Variants in ANTXR2 observed in about 807,000 individuals in gnomAD.
ANTXR2 encodes the protein anthrax toxin receptor 2.
In ANTXR2, 44 loss-of-function variants were observed where a neutral mutation model predicts 73.7. The observed-to-expected ratio is 0.60, with a 90% confidence interval of 0.47 to 0.77. The LOEUF (loss-of-function observed/expected upper bound fraction) is 0.77. Ranked by LOEUF, ANTXR2 falls within the 30% of genes least tolerant of loss-of-function variation. ANTXR2 has a pLI of 0.00. For missense variants in ANTXR2, 604 were observed against 592.5 expected (o/e 1.02, Z -0.20); for synonymous variants, 217 against 205.9 (o/e 1.05, Z -0.46).
chr4:80,006,155 T>C (rs1731292423), intron 12 of ANTXR2, among the ~76,000 whole-genome samples: 1 of 152,130 alleles, frequency 6.6e-6, no homozygotes, highest in African/African-American at 2.4e-5. Context: ...TCCTCCTTTA[T>C]GTTTCTACTG....
chr4:79,959,817 A>G (rs1444728971), intron 16 of ANTXR2, among the ~76,000 whole-genome samples: 1 of 152,262 alleles, frequency 6.6e-6, no homozygotes, highest in African/African-American at 2.4e-5. Flanking sequence ...TCTCAGAGAC[A>G]TGCAAGTGGA....
At chr4:79,960,285 T>A (rs1362494769) in intron 16 of ANTXR2, among the ~76,000 whole-genome samples, 1 of 152,186 alleles carries the variant, frequency 6.6e-6, no homozygotes, top group Non-Finnish European at 1.5e-5. Flanking sequence ...AACAAAAGTA[T>A]GCTTAGTACT....
At chr4:80,008,463 C>A in intron 12 of ANTXR2, 58 bp downstream of exon 12, 1 of 1,366,704 alleles carries the variant, frequency 7.3e-7, no homozygotes, top group Non-Finnish European at 1.0e-6. Flanking sequence ...ATATTTCAGA[C>A]CTTACTTTAC....
intron 16 of ANTXR2, chr4:79,977,403 AT>A: frequency 1.1e-6 from 1 of 950,956 alleles, no homozygotes; most frequent in Non-Finnish European, 1.5e-6. Context: ...ATTGTAAAGA[AT>A]TTCTTGAAAA....
At chr4:80,019,438 G>A (rs10012656) in intron 10 of ANTXR2, among the ~76,000 whole-genome samples, 73,122 of 152,074 alleles carry the variant, frequency 0.48, 20,277 homozygotes, top group East Asian at 0.95. Context: ...CTTAGTTCTA[G>A]TCTTTACTTA....
At chr4:79,987,144 T>A (rs62298612) in intron 12 of ANTXR2, among the ~76,000 whole-genome samples, 1 of 151,948 alleles carries the variant, frequency 6.6e-6, no homozygotes, top group Admixed American at 6.6e-5. Context: ...ATGAAATGTC[T>A]GAAATGACAG....
chr4:80,058,725 A>C (rs1734114178), intron 3 of ANTXR2, among the ~76,000 whole-genome samples: 1 of 152,088 alleles, frequency 6.6e-6, no homozygotes, highest in Non-Finnish European at 1.5e-5. Flanking sequence ...TAAAATTTTA[A>C]GAACAAGAAG....
chr4:79,956,352 T>C (rs893338163), intron 16 of ANTXR2, among the ~76,000 whole-genome samples: 4 of 152,130 alleles, frequency 2.6e-5, no homozygotes, highest in Non-Finnish European at 5.9e-5. Flanking sequence ...CATGTATAAT[T>C]GCCCTAAGTC....
At chr4:79,983,739 G>T in intron 14 of ANTXR2, 139 bp downstream of exon 14, 1 of 703,092 alleles carries the variant, frequency 1.4e-6, no homozygotes, top group Non-Finnish European at 2.4e-6. Context: ...AAAAAAAAAT[G>T]TATCCAGAAA....
At chr4:80,014,832 G>T (rs1254738719) in intron 11 of ANTXR2, among the ~76,000 whole-genome samples, 1 of 152,134 alleles carries the variant, frequency 6.6e-6, no homozygotes, top group Non-Finnish European at 1.5e-5. Flanking sequence ...TATTAGGAAA[G>T]TAGGAGAAAG....
chr4:80,009,263 G>A lies in ANTXR2; in HGVS notation c.946-647C>T, dbSNP rs6534702. 1.2e-4 allele frequency among the ~76,000 whole-genome samples: 18 copies of A among 152,000 alleles called. No homozygotes were observed. In the South Asian group the frequency reaches 3.3e-3, roughly 28 times the overall value. On this transcript the variant is annotated intron_variant, in intron 11 of 16. Coordinates refer to ENST00000403729, the MANE Select transcript of ANTXR2 (RefSeq NM_058172.6). ...CAGCCTTAAGGCACCTACTCTGGGC[G>A]CTGTTCTTAAACCCTTTCATATAAA...
At chr4:79,975,941 C>A (rs1051407788) in intron 16 of ANTXR2, among the ~76,000 whole-genome samples, 1 of 130,808 alleles carries the variant, frequency 7.6e-6, no homozygotes, top group Non-Finnish European at 1.6e-5. Flanking sequence ...GAGACGTAGT[C>A]TCTCTCTGTC....
chr4:80,043,693 T>C (rs1453417771), intron 7 of ANTXR2, among the ~76,000 whole-genome samples: 2 of 151,978 alleles, frequency 1.3e-5, no homozygotes, highest in Non-Finnish European at 2.9e-5. Context: ...TGTATCCCTC[T>C]GGGTTTGTTT....
At chr4:80,049,292 T>C (rs748490482) in intron 7 of ANTXR2, among the ~76,000 whole-genome samples, 5 of 151,914 alleles carry the variant, frequency 3.3e-5, no homozygotes, top group African/African-American at 4.8e-5. Flanking sequence ...TTATGAAACA[T>C]TGAACTAGAA....
At position 80,026,815 on chromosome 4, in the gene ANTXR2, T is replaced by C. The variant is rs1310127268; in HGVS notation, c.866+4808A>G. On this transcript the variant is annotated intron_variant, in intron 10 of 16. Transcript: ENST00000403729. ...GTATTTTTTTCAGTATTTTAAATTG[T>C]ATCCTATTTAACATTCCCATACATG... 1.3e-5 allele frequency among the ~76,000 whole-genome samples: 2 copies of C among 152,304 alleles called. 1 individual carries two copies. Among genetic ancestry groups the C allele is most frequent in the South Asian group, 4.1e-4 (2 of 4,826 alleles).
At chr4:79,917,049 C>T (rs1727381790) in intron 16 of ANTXR2, among the ~76,000 whole-genome samples, 1 of 151,990 alleles carries the variant, frequency 6.6e-6, no homozygotes, top group Admixed American at 6.6e-5. Context: ...AACAGTTACA[C>T]AATAAAAAGA....
At chr4:79,953,315 T>C (rs1390823045) in intron 16 of ANTXR2, among the ~76,000 whole-genome samples, 1 of 152,204 alleles carries the variant, frequency 6.6e-6, no homozygotes, top group African/African-American at 2.4e-5. Context: ...AAGAATAAAT[T>C]TGATTAGTGA....
intron 16 of ANTXR2, among the ~76,000 whole-genome samples, chr4:79,927,005 G>T (rs372730435): frequency 3.6e-5 from 4 of 112,452 alleles, no homozygotes; most frequent in Middle Eastern, 4.7e-3. Flanking sequence ...ATATATACAC[G>T]TGTGCATATA....
intron 12 of ANTXR2, among the ~76,000 whole-genome samples, chr4:79,991,120 G>C (rs551799038): frequency 6.6e-6 from 1 of 152,174 alleles, no homozygotes; most frequent in South Asian, 2.1e-4. Flanking sequence ...TTAAACTAAA[G>C]AGCTTCTGCA....
Sources: allele counts gnomAD v4.1 joint callset (sites outside exome capture counted in the v4.1 genomes callset), GRCh38; gene constraint gnomAD v4.1.1; transcripts MANE v1.5; gene names NCBI Gene and HGNC (gene_info 2026-07-23, HGNC 2026-07-21).